The following CADM1 variants were observed in gnomAD, a reference collection of about 807,000 sequenced individuals.
CADM1 encodes cell adhesion molecule 1.
A neutral mutation model predicts 53.1 loss-of-function variants in CADM1; 15 were observed. The ratio of observed to expected loss-of-function variants is 0.28; its 90% CI spans 0.19 to 0.44. CADM1 has a LOEUF of 0.44. CADM1 is among the 20% of genes least tolerant of loss of function. The pLI, the probability that CADM1 is intolerant of heterozygous loss-of-function variation, is 1.00. For synonymous variants in CADM1, 281 were observed against 243.0 expected, an observed-to-expected ratio of 1.16 and a Z score of -1.45; for missense variants, 434 against 611.3, an observed-to-expected ratio of 0.71 and a Z score of 3.06.
chr11:115,453,962 T>C (rs1363562750), intron 1 of CADM1, among the ~76,000 whole-genome samples: 1 of 152,068 alleles, frequency 6.6e-6, no homozygotes, highest in African/African-American at 2.4e-5. Flanking sequence ...TAGAAGGTCC[T>C]CCATTTGCTT....
intron 1 of CADM1, among the ~76,000 whole-genome samples, chr11:115,428,936 A>G (rs1947969075): frequency 6.6e-6 from 1 of 152,188 alleles, no homozygotes; most frequent in African/African-American, 2.4e-5. Context: ...TTTCAGTAAC[A>G]TCTCACGTTT....
At chr11:115,335,810 T>C (rs1945253075) in intron 1 of CADM1, among the ~76,000 whole-genome samples, 1 of 152,100 alleles carries the variant, frequency 6.6e-6, no homozygotes. Flanking sequence ...ACCAATATCA[T>C]AAGAAAAGTC....
chr11:115,249,084 C>A (rs527254921), intron 1 of CADM1, among the ~76,000 whole-genome samples: 4 of 151,744 alleles, frequency 2.6e-5, no homozygotes, highest in Non-Finnish European at 4.4e-5. Context: ...TCGTTTATGG[C>A]AAAAAAAGAA....
At chr11:115,334,866 G>GC (rs1311650640) in intron 1 of CADM1, among the ~76,000 whole-genome samples, 3 of 152,066 alleles carry the variant, frequency 2.0e-5, no homozygotes, top group African/African-American at 7.2e-5. Context: ...CAGAAGACTG[G>GC]CCCCAAACCA....
intron 10 of CADM1, among the ~76,000 whole-genome samples, chr11:115,182,396 A>C (rs1371316437): frequency 1.3e-5 from 2 of 152,202 alleles, no homozygotes; most frequent in Admixed American, 1.3e-4. Flanking sequence ...TTCTGGGACT[A>C]AGCCCTGCCC....
At chr11:115,470,008 T>C (rs889436338) in intron 1 of CADM1, among the ~76,000 whole-genome samples, 8 of 152,266 alleles carry the variant, frequency 5.3e-5, no homozygotes, top group Non-Finnish European at 1.2e-4. Flanking sequence ...TTCCATGACC[T>C]TGGTCATTAA....
At chr11:115,261,455 A>G (rs541768033) in intron 1 of CADM1, among the ~76,000 whole-genome samples, 55 of 152,344 alleles carry the variant, frequency 3.6e-4, no homozygotes, top group Non-Finnish European at 4.3e-4. Context: ...ACAAAGTAGT[A>G]TAAACAAATC....
intron 1 of CADM1, among the ~76,000 whole-genome samples, chr11:115,253,684 A>G (rs1942680974): frequency 6.6e-6 from 1 of 152,148 alleles, no homozygotes; most frequent in African/African-American, 2.4e-5. Context: ...CCTATTACTA[A>G]TCTACTCATC....
At chr11:115,493,991 A>C (rs1279471266) in intron 1 of CADM1, among the ~76,000 whole-genome samples, 1 of 152,186 alleles carries the variant, frequency 6.6e-6, no homozygotes, top group African/African-American at 2.4e-5. Context: ...TAGACTATAT[A>C]ATTTCAATGT....
intron 1 of CADM1, among the ~76,000 whole-genome samples, chr11:115,255,343 C>T (rs1333758652): frequency 6.6e-6 from 1 of 152,138 alleles, no homozygotes; most frequent in Non-Finnish European, 1.5e-5. Context: ...GACACCTGTC[C>T]ACCAGTCCCC....
intron 1 of CADM1, among the ~76,000 whole-genome samples, chr11:115,379,056 C>T (rs953956994): frequency 1.3e-5 from 2 of 152,178 alleles, no homozygotes; most frequent in Non-Finnish European, 2.9e-5. Flanking sequence ...GATGATGTAG[C>T]ATGAGTGCTT....
chr11:115,353,275 T>C (rs1945783871), intron 1 of CADM1, among the ~76,000 whole-genome samples: 1 of 152,208 alleles, frequency 6.6e-6, no homozygotes, highest in Non-Finnish European at 1.5e-5. Context: ...ACTGTGTTTA[T>C]AACAGCACTG....
chr11:115,338,867 TA>T (rs1408491792), intron 1 of CADM1, among the ~76,000 whole-genome samples: 9 of 80,290 alleles, frequency 1.1e-4, no homozygotes, highest in East Asian at 2.6e-4. Flanking sequence ...CACCTTCTTT[TA>T]TTTTTTTTAT....
chr11:115,281,109 G>A lies in CADM1; in HGVS notation c.125-40689C>T, dbSNP rs200005702. 4.6e-5 allele frequency among the ~76,000 whole-genome samples: 7 copies of A among 152,292 alleles called. No homozygotes were observed. In the East Asian group the frequency reaches 9.6e-4, roughly 21 times the overall value. On this transcript the variant is annotated intron_variant, in intron 1 of 11. Transcript: ENST00000331581. ...TCCACCCAACTACAAGACAGAATCTGTTTCTTTCATTATGGAAAAGGGCTA... is the reference window on the plus strand; with the variant it reads ...TCCACCCAACTACAAGACAGAATCTATTTCTTTCATTATGGAAAAGGGCTA...
chr11:115,382,995 C>G (rs1022736840), intron 1 of CADM1, among the ~76,000 whole-genome samples: 1 of 152,208 alleles, frequency 6.6e-6, no homozygotes. Context: ...CTTAAAAGCT[C>G]TCACAATAGG....
intron 1 of CADM1, among the ~76,000 whole-genome samples, chr11:115,247,125 T>C (rs759098657): frequency 5.3e-5 from 8 of 152,266 alleles, no homozygotes; most frequent in South Asian, 2.1e-4. Flanking sequence ...TTGATTAGCA[T>C]TGAATTCCAA....
chr11:115,402,427 G>A (rs1036517898), intron 1 of CADM1, among the ~76,000 whole-genome samples: 1 of 152,142 alleles, frequency 6.6e-6, no homozygotes. Flanking sequence ...GGAGGCTGAG[G>A]CAGAAGAATA....
intron 1 of CADM1, among the ~76,000 whole-genome samples, chr11:115,305,404 G>T (rs1944338102): frequency 6.6e-6 from 1 of 151,876 alleles, no homozygotes; most frequent in Non-Finnish European, 1.5e-5. Flanking sequence ...TTCTGTCTTT[G>T]AAATTCCTCT....
At chr11:115,483,926 C>T (rs569103554) in intron 1 of CADM1, among the ~76,000 whole-genome samples, 1 of 152,248 alleles carries the variant, frequency 6.6e-6, no homozygotes, top group South Asian at 2.1e-4. Flanking sequence ...TATTAGACAG[C>T]ACTGGAGGCA....
Sources: allele counts gnomAD v4.1 joint callset (sites outside exome capture counted in the v4.1 genomes callset), GRCh38; gene constraint gnomAD v4.1.1; transcripts MANE v1.5; gene names NCBI Gene and HGNC (gene_info 2026-07-23, HGNC 2026-07-21).